Variants in RGS22 observed in about 807,000 individuals in gnomAD.
RGS22 encodes regulator of G protein signaling 22, also known as regulator of G-protein signaling 22.
Under a neutral mutation model 172.9 loss-of-function variants are expected in RGS22, and 148 were observed. The observed-to-expected ratio is 0.86, with a 90% confidence interval of 0.75 to 0.98. RGS22 has a LOEUF of 0.98. RGS22 is among the 50% of genes least tolerant of loss of function. The probability of loss-of-function intolerance (pLI) is 0.00; values close to 1 mark genes in which losing one functional copy is unlikely to be tolerated. For synonymous variants in RGS22, 458 were observed against 480.2 expected (o/e 0.95, Z 0.60); for missense variants, 1,347 against 1,440.8 (o/e 0.93, Z 1.05).
intron 16 of RGS22, 129 bp from the exon 17 acceptor site, chr8:100,004,227 G>A (rs1408782717): frequency 3.5e-6 from 4 of 1,132,428 alleles, no homozygotes; most frequent in African/African-American, 1.6e-5. Context: ...GGCAGAGTGG[G>A]TAAAGACTTT....
At chr8:100,090,291 G>C (rs1345307196) in intron 3 of RGS22, among the ~76,000 whole-genome samples, 1 of 152,156 alleles carries the variant, frequency 6.6e-6, no homozygotes, top group Non-Finnish European at 1.5e-5. Flanking sequence ...ATCAAACACA[G>C]TTCTCTCACT....
chr8:100,024,665 T>A (rs1589001067), intron 14 of RGS22, among the ~76,000 whole-genome samples: 1 of 152,298 alleles, frequency 6.6e-6, no homozygotes, highest in Middle Eastern at 3.4e-3. Context: ...ACAGATACTC[T>A]TTTTTCTAGA....
chr8:100,018,273 G>A (rs1405410377), intron 14 of RGS22, among the ~76,000 whole-genome samples: 1 of 151,388 alleles, frequency 6.6e-6, no homozygotes, highest in Non-Finnish European at 1.5e-5. Context: ...CTGAAATTCT[G>A]GGAGTTAATT....
chr8:100,050,333 G>A (rs532582303), intron 10 of RGS22, among the ~76,000 whole-genome samples: 1 of 152,296 alleles, frequency 6.6e-6, no homozygotes, highest in East Asian at 1.9e-4. Context: ...ATTTTACAGA[G>A]TGACCCTGAC....
intron 19 of RGS22, 33 bp from the exon 20 acceptor site, chr8:99,996,563 A>T (rs780890692): frequency 1.3e-6 from 2 of 1,551,924 alleles, no homozygotes; most frequent in Non-Finnish European, 1.8e-6. Flanking sequence ...TATCCCAGTT[A>T]TTCAGACTAA....
chr8:100,055,732 T>C (rs1426941235), intron 9 of RGS22, among the ~76,000 whole-genome samples: 2 of 152,214 alleles, frequency 1.3e-5, no homozygotes, highest in African/African-American at 4.8e-5. Context: ...TTTTGCCTGC[T>C]GCCATGTAAG....
chr8:100,020,364 A>G (rs1817487931), intron 14 of RGS22, among the ~76,000 whole-genome samples: 1 of 152,216 alleles, frequency 6.6e-6, no homozygotes, highest in African/African-American at 2.4e-5. Flanking sequence ...GAAATATACA[A>G]AGCTTTTTCA....
In RGS22 at chr8:99,977,265, G is replaced by A. The variant is rs369340436; in HGVS notation, c.3519+652C>T. 3.5e-3 allele frequency among the ~76,000 whole-genome samples: 516 copies of A among 148,272 alleles called. 1 individual carries two copies. The highest frequency in any genetic ancestry group is 0.012 in the African/African-American group (458 of 39,816). ...ACTACAGGCGCAAGCTGCCACGCCCGGTTAATTTTTTTTTTTTTTTTTTTT... is the reference window on the plus strand; with the variant it reads ...ACTACAGGCGCAAGCTGCCACGCCCAGTTAATTTTTTTTTTTTTTTTTTTT... On this transcript the variant is annotated intron_variant, in intron 23 of 27. Transcript: ENST00000360863.
chr8:100,061,878 C>G (rs1016866725), intron 9 of RGS22, among the ~76,000 whole-genome samples: 1 of 152,056 alleles, frequency 6.6e-6, no homozygotes, highest in African/African-American at 2.4e-5. Context: ...TTCACAATAG[C>G]AAAGATAAGG....
At chr8:100,079,100 T>A (rs541763765) in intron 4 of RGS22, among the ~76,000 whole-genome samples, 2 of 152,362 alleles carry the variant, frequency 1.3e-5, no homozygotes, top group South Asian at 4.1e-4. Flanking sequence ...ATAGCTTTTG[T>A]TTAACAATAA....
At chr8:100,039,369 A>G (rs952100315) in intron 13 of RGS22, among the ~76,000 whole-genome samples, 2 of 130,204 alleles carry the variant, frequency 1.5e-5, no homozygotes, top group Non-Finnish European at 3.1e-5. Flanking sequence ...TAATTGAACC[A>G]GTTAAATACT....
At position 99,999,366 on chromosome 8, in the gene RGS22, G is replaced by A. The variant is rs114856255; in HGVS notation, c.2845C>T (p.Pro949Ser). 263 of 1,613,898 alleles carry A rather than the reference G, an allele frequency of 1.6e-4. No individual in the cohort carries two copies. In the African/African-American group the frequency reaches 3.1e-3, roughly 19 times the overall value. The change falls in exon 19 of 28, where the codon CCT (proline) becomes TCT (serine). Residue 949 changes from proline (P) to serine (S), a missense_variant. Transcript: ENST00000360863. ...GKILHEQLDA[P>S]VLVEIQKHVQ... is the part of the protein sequence containing the mutation. ...TGCTTCTGGATTTCAACTAGAACAG[G>A]TGCATCAAGCTGCTCATGAAGAATC...
intron 6 of RGS22, among the ~76,000 whole-genome samples, chr8:100,070,237 T>C (rs982822949): frequency 6.6e-6 from 1 of 152,082 alleles, no homozygotes; most frequent in African/African-American, 2.4e-5. Flanking sequence ...AATGAGAACA[T>C]AAGATTTTTA....
chr8:100,080,322 A>G lies in RGS22; in HGVS notation c.151T>C (p.Tyr51His). The stretch of plus-strand genomic sequence containing the variant: ...TCATTAGCTACTTCAAAAACTCCAT[A>G]ATCTGCATTAAATCTAATTGCCTCT... ...FSEAIRFNAD[Y>H]GVFEVANDAP... Residue 51 changes from tyrosine to histidine, a missense_variant, in exon 4 of 28, where the codon TAT (tyrosine) becomes CAT (histidine). By Grantham distance (83) the Tyr-to-His change is moderately conservative. Coordinates refer to ENST00000360863, the MANE Select transcript of RGS22 (RefSeq NM_015668.5). 6.2e-7 allele frequency: 1 copy of G among 1,613,012 alleles called. No individual in the cohort carries two copies.
intron 20 of RGS22, among the ~76,000 whole-genome samples, chr8:99,995,189 T>A (rs1814223453): frequency 6.6e-6 from 1 of 152,050 alleles, no homozygotes. Flanking sequence ...GCAATACCAT[T>A]CAGGACATAG....
intron 23 of RGS22, among the ~76,000 whole-genome samples, chr8:99,972,520 TC>T (rs1215134859): frequency 1.3e-5 from 2 of 151,388 alleles, no homozygotes; most frequent in Admixed American, 1.3e-4. Flanking sequence ...AGGTCTAATA[TC>T]CAGAATCTAC....
rs145021193 is a variant in RGS22 at position 100,017,598 on chromosome 8, G to GTA, written c.2167-9031_2167-9030dup. On this transcript the variant is annotated intron_variant, in intron 14 of 27. Coordinates refer to ENST00000360863, the MANE Select transcript of RGS22 (RefSeq NM_015668.5). The stretch of plus-strand genomic sequence containing the variant: ...CTGTAAGTGGATAACTAACAACTGA[G>GTA]TATATATATATATAGCAAATACAAG... Among the ~76,000 whole-genome samples the GTA allele has an allele frequency of 3.6e-3, 539 of 150,694 alleles. 1 individual carries two copies. Among genetic ancestry groups the GTA allele is most frequent in the African/African-American group, 0.011 (465 of 41,126 alleles).
chr8:100,095,240 G>A (rs1226703822), intron 2 of RGS22, among the ~76,000 whole-genome samples: 1 of 152,188 alleles, frequency 6.6e-6, no homozygotes, highest in Non-Finnish European at 1.5e-5. Flanking sequence ...CTGGAGTGCA[G>A]TGGTGTGATC....
intron 17 of RGS22, among the ~76,000 whole-genome samples, chr8:100,003,410 G>C (rs1409415468): frequency 1.3e-5 from 2 of 151,884 alleles, no homozygotes. Context: ...ACCAGTTTCT[G>C]TTAACTAGGG....
Sources: gnomAD v4.1 joint callset for allele counts (sites outside exome capture counted in the v4.1 genomes callset) on GRCh38, gnomAD v4.1.1 for gene constraint, MANE v1.5 for transcripts, NCBI Gene and HGNC (gene_info 2026-07-23, HGNC 2026-07-21) for gene names.